Variants in HS6ST3 observed in about 807,000 individuals in gnomAD.
HS6ST3 encodes the protein heparan-sulfate 6-O-sulfotransferase 3.
A neutral mutation model predicts 36.7 loss-of-function variants in HS6ST3; 12 were observed. The ratio of observed to expected loss-of-function variants is 0.33; its 90% CI spans 0.21 to 0.53. The LOEUF is 0.53. Among genes scored for constraint, HS6ST3 ranks in the 20% least tolerant of loss-of-function variants. The pLI is 0.95. For missense variants in HS6ST3, 584 were observed against 640.9 expected, an observed-to-expected ratio of 0.91 and a Z score of 0.96; for synonymous variants, 240 against 257.5, an observed-to-expected ratio of 0.93 and a Z score of 0.65.
At chr13:96,827,304 T>G (rs1878669941) in intron 1 of HS6ST3, among the ~76,000 whole-genome samples, 1 of 152,230 alleles carries the variant, frequency 6.6e-6, no homozygotes, top group Non-Finnish European at 1.5e-5. Context: ...CATAGGAGTT[T>G]GCTTATTTAT....
intron 1 of HS6ST3, among the ~76,000 whole-genome samples, chr13:96,339,382 A>C (rs1298388638): frequency 6.6e-6 from 1 of 152,138 alleles, no homozygotes; most frequent in Non-Finnish European, 1.5e-5. Flanking sequence ...TGGGGCCAAA[A>C]AAGAAAAAAT....
At chr13:96,622,540 G>A (rs2056498730) in intron 1 of HS6ST3, among the ~76,000 whole-genome samples, 1 of 152,048 alleles carries the variant, frequency 6.6e-6, no homozygotes, top group Non-Finnish European at 1.5e-5. Context: ...AATATGTGTG[G>A]GCTAACAACA....
intron 1 of HS6ST3, among the ~76,000 whole-genome samples, chr13:96,766,038 A>T (rs1877105639): frequency 6.6e-6 from 1 of 152,206 alleles, no homozygotes; most frequent in Non-Finnish European, 1.5e-5. Flanking sequence ...CAGAGCTACT[A>T]AGTTGGTCTA....
At chr13:96,746,988 A>G (rs879944985) in intron 1 of HS6ST3, among the ~76,000 whole-genome samples, 27 of 152,106 alleles carry the variant, frequency 1.8e-4, no homozygotes, top group Non-Finnish European at 1.0e-4. Context: ...ATATTTTTCA[A>G]AAAGCTTTGC....
At chr13:96,683,422 A>G (rs1311333896) in intron 1 of HS6ST3, among the ~76,000 whole-genome samples, 1 of 152,114 alleles carries the variant, frequency 6.6e-6, no homozygotes, top group African/African-American at 2.4e-5. Context: ...TCTCTAAAGC[A>G]GTCTCTTCTT....
At chr13:96,234,813 C>T (rs918410945) in intron 1 of HS6ST3, among the ~76,000 whole-genome samples, 2 of 152,166 alleles carry the variant, frequency 1.3e-5, no homozygotes, top group Non-Finnish European at 2.9e-5. Context: ...TGGCAAGGTA[C>T]AAGGGCACTC....
intron 1 of HS6ST3, among the ~76,000 whole-genome samples, chr13:96,351,551 A>G (rs1009527802): frequency 5.9e-5 from 9 of 152,104 alleles, no homozygotes; most frequent in African/African-American, 1.9e-4. Context: ...GGGTCAAGTG[A>G]TCTGCCGACC....
chr13:96,726,042 T>G (rs923195491), intron 1 of HS6ST3, among the ~76,000 whole-genome samples: 2 of 152,176 alleles, frequency 1.3e-5, no homozygotes, highest in Non-Finnish European at 2.9e-5. Context: ...TTCGCCATCT[T>G]GGCCAGGCTA....
At chr13:96,801,595 TC>T (rs1878073837) in intron 1 of HS6ST3, among the ~76,000 whole-genome samples, 1 of 152,106 alleles carries the variant, frequency 6.6e-6, no homozygotes, top group South Asian at 2.1e-4. Context: ...TCATGAACTG[TC>T]CTTATGAGAT....
chr13:96,811,318 T>C (rs1878312859), intron 1 of HS6ST3, among the ~76,000 whole-genome samples: 1 of 152,198 alleles, frequency 6.6e-6, no homozygotes. Flanking sequence ...GCTTTTCGAC[T>C]TCTGATATGA....
chr13:96,519,635 A>G (rs943456333), intron 1 of HS6ST3, among the ~76,000 whole-genome samples: 2 of 152,228 alleles, frequency 1.3e-5, no homozygotes, highest in African/African-American at 4.8e-5. Context: ...TTGCCTATTC[A>G]TAGCTTAGGA....
rs538513867 is a variant in HS6ST3, at chr13:96,674,225, C to G, written c.708-158265C>G. On this transcript the variant is annotated intron_variant, in intron 1 of 1. Transcript: ENST00000376705. ...CTTCCCTTTCTTTCCCCTGCTCCCCCCATGTAAAACAGGCCTGCTTCCCCT... is the reference window on the plus strand; with the variant it reads ...CTTCCCTTTCTTTCCCCTGCTCCCCGCATGTAAAACAGGCCTGCTTCCCCT... 2.0e-5 allele frequency among the ~76,000 whole-genome samples: 3 copies of G among 152,146 alleles called. No homozygotes were observed. The South Asian group carries it at 6.2e-4, about 32-fold the overall frequency.
rs567995514 is a variant in HS6ST3, at chr13:96,225,876, A to G, written c.707+134307A>G. Among the ~76,000 whole-genome samples, 4 of 152,336 alleles carry G rather than the reference A, an allele frequency of 2.6e-5. No individual in the cohort carries two copies. In the South Asian group the frequency reaches 8.3e-4, roughly 32 times the overall value. On this transcript the variant is annotated intron_variant, in intron 1 of 1. Transcript: ENST00000376705. ...GGAATGTAAAAGAGTGAATAGAAGT[A>G]TAGAGAAGTAGCTTATAAGCATGCC... is the stretch of plus-strand genomic sequence containing the variant.
At chr13:96,688,313 A>G (rs1594836523) in intron 1 of HS6ST3, among the ~76,000 whole-genome samples, 1 of 151,904 alleles carries the variant, frequency 6.6e-6, no homozygotes, top group Non-Finnish European at 1.5e-5. Context: ...GTACTAAGCT[A>G]GGCCAAGGGA....
intron 1 of HS6ST3, among the ~76,000 whole-genome samples, chr13:96,606,594 AG>A (rs2056439576): frequency 1.3e-5 from 1 of 74,450 alleles, no homozygotes; most frequent in Non-Finnish European, 2.6e-5. Flanking sequence ...AGGGAGGGAC[AG>A]AGGGAGGGAG....
At chr13:96,556,611 G>A (rs558918788) in intron 1 of HS6ST3, among the ~76,000 whole-genome samples, 2 of 152,250 alleles carry the variant, frequency 1.3e-5, no homozygotes, top group Admixed American at 6.5e-5. Context: ...AAGAAATCCT[G>A]TTTGGATGTA....
intron 1 of HS6ST3, among the ~76,000 whole-genome samples, chr13:96,209,315 A>G (rs1474585730): frequency 6.6e-6 from 1 of 152,188 alleles, no homozygotes; most frequent in African/African-American, 2.4e-5. Context: ...CTTGCCACCT[A>G]CTATGCTGGA....
intron 1 of HS6ST3, among the ~76,000 whole-genome samples, chr13:96,591,019 T>G (rs2056380117): frequency 6.6e-6 from 1 of 152,108 alleles, no homozygotes; most frequent in East Asian, 1.9e-4. Flanking sequence ...AATTTGTTTC[T>G]GTGTTCTCTG....
intron 1 of HS6ST3, among the ~76,000 whole-genome samples, chr13:96,159,394 A>C (rs534849120): frequency 6.6e-6 from 1 of 152,198 alleles, no homozygotes; most frequent in Non-Finnish European, 1.5e-5. Context: ...AAATAAGGAT[A>C]CTGTACCAGT....
Sources: allele counts gnomAD v4.1 joint callset (sites outside exome capture counted in the v4.1 genomes callset), GRCh38; gene constraint gnomAD v4.1.1; transcripts MANE v1.5; gene names NCBI Gene and HGNC (gene_info 2026-07-23, HGNC 2026-07-21).